MDFI: variants seen among roughly 807,000 people sequenced by gnomAD.
MDFI encodes MyoD family inhibitor.
In MDFI, 16 loss-of-function variants were observed where a neutral mutation model predicts 22.3. The ratio of observed to expected loss-of-function variants is 0.72; its 90% confidence interval spans 0.49 to 1.09. The LOEUF is 1.09. Among genes scored for constraint, MDFI ranks in the 50% least tolerant of loss-of-function variants. The pLI, the probability that MDFI is intolerant of heterozygous loss-of-function variation, is 0.00. For missense variants in MDFI, 314 were observed against 326.1 expected (o/e 0.96, Z 0.29); for synonymous variants, 145 against 142.7 (o/e 1.02, Z -0.12).
Position 41,638,714 on chromosome 6 carries a change from G to A in MDFI, c.-11-25G>A. 6.5e-7 allele frequency: 1 copy of A among 1,543,288 alleles called. No individual in the cohort carries two copies. Among genetic ancestry groups the A allele is most frequent in the Non-Finnish European group, 8.7e-7 (1 of 1,148,674 alleles). ...TCGCCCCTTGCCCGCCTCCGGCGCC[G>A]CCCGCTGAGCCCTGTTTTCCGCAGG... On this transcript the variant is annotated intron_variant, in intron 1 of 4. Coordinates refer to ENST00000230321, the MANE Select transcript of MDFI (RefSeq NM_005586.4). The surrounding 1 kb of genome is among the most constrained non-coding windows in gnomAD (Gnocchi z 7.6).
In MDFI at chr6:41,651,417, A is replaced by G. The variant is rs112464852; in HGVS notation, c.484+1574A>G. Among the ~76,000 whole-genome samples the G allele has an allele frequency of 2.9e-4, 43 of 148,970 alleles. 6 individuals carry two copies. The highest frequency in any genetic ancestry group is 1.1e-3 in the African/African-American group (42 of 39,830). On this transcript the variant is annotated intron_variant, in intron 4 of 4. Transcript: ENST00000230321. ...GTGATGTCTGAACATGCCTTAAAAG[A>G]CCAGAAGGAGGCTCCAGCCAGGAGA...
chr6:41,639,907 TC>T (rs1767785928), intron 2 of MDFI: 18 of 985,268 alleles, frequency 1.8e-5, no homozygotes, highest in Non-Finnish European at 2.2e-5. Flanking sequence ...CCCTCTCCAC[TC>T]CCCACCTACT....
At chr6:41,641,781 T>C (rs78065015) in intron 2 of MDFI, among the ~76,000 whole-genome samples, 15,659 of 152,140 alleles carry the variant, frequency 0.1, 897 homozygotes, top group Middle Eastern at 0.19. Flanking sequence ...AGCCAGGGAT[T>C]TTTTGGCTGA....
chr6:41,650,892 AAGGAGCCATTTATTC>A (rs1195016955), intron 4 of MDFI, among the ~76,000 whole-genome samples: 1 of 152,020 alleles, frequency 6.6e-6, no homozygotes, highest in Admixed American at 6.5e-5. Flanking sequence ...CTTATTTATG[AAGGAGCCATTTATTC>A]ATTTAAAATG....
intron 4 of MDFI, among the ~76,000 whole-genome samples, chr6:41,651,869 G>C (rs757623364): frequency 1.3e-5 from 2 of 152,250 alleles, no homozygotes; most frequent in African/African-American, 2.4e-5. Flanking sequence ...CTCCCAGCTG[G>C]TGCCCAGCGC....
chr6:41,639,895 G>GCC, intron 2 of MDFI: 2 of 985,420 alleles, frequency 2.0e-6, no homozygotes, highest in Non-Finnish European at 2.4e-6. Flanking sequence ...GTTCTAGGAG[G>GCC]CCCCTCTCCA....
chr6:41,649,606 T>C lies in MDFI; in HGVS notation c.260-13T>C. 6.4e-7 allele frequency: 1 copy of C among 1,560,398 alleles called. No individual in the cohort carries two copies. The highest frequency in any genetic ancestry group is 8.7e-7 in the Non-Finnish European group (1 of 1,151,366). On this transcript the variant is annotated splice_polypyrimidine_tract_variant and intron_variant, in intron 3 of 4. Transcript: ENST00000230321. Reference sequence around the variant, plus strand: ...CACCCTTTTCCCATCACACTTTCTCTTCATCTCTCCAGGCCAGCCTCAGGG... The same window carrying C: ...CACCCTTTTCCCATCACACTTTCTCCTCATCTCTCCAGGCCAGCCTCAGGG...
intron 2 of MDFI, among the ~76,000 whole-genome samples, chr6:41,641,784 T>C (rs1035368453): frequency 6.6e-6 from 1 of 152,164 alleles, no homozygotes; most frequent in African/African-American, 2.4e-5. Context: ...CAGGGATTTT[T>C]TGGCTGAAAC....
chr6:41,649,517 T>G, intron 3 of MDFI, 102 bp from the exon 4 acceptor site: 2 of 1,097,028 alleles, frequency 1.8e-6, no homozygotes, highest in Non-Finnish European at 2.6e-6. Flanking sequence ...GCTGGGTGCT[T>G]TGGGGTATAT....
Position 41,639,166 on chromosome 6 carries a change from T to C in MDFI, c.76+341T>C, listed in dbSNP as rs185817248. Reference sequence around the variant, plus strand: ...TTGTGTCTCAACTGTTTCTGCCCAGTGTGTAAATATTTGTGGGGGCCTGGT... The same window carrying C: ...TTGTGTCTCAACTGTTTCTGCCCAGCGTGTAAATATTTGTGGGGGCCTGGT... On this transcript the variant is annotated intron_variant, in intron 2 of 4. Transcript: ENST00000230321. 456 of 876,998 alleles carry C rather than the reference T, an allele frequency of 5.2e-4. 2 individuals carry two copies. The Middle Eastern group carries it at 6.4e-3, about 12-fold the overall frequency. The allele number at this position is 876,998 out of a possible 1,614,324, so 54.3% of individuals were successfully genotyped here. A position where few individuals can be genotyped will look rare whatever the true frequency, so the allele number is the denominator to read the frequency against.
chr6:41,638,465 G>A (rs888216466), upstream of MDFI: 6 of 475,244 alleles, frequency 1.3e-5, no homozygotes, highest in African/African-American at 1.0e-4. The surrounding 1 kb of genome is among the most constrained non-coding windows in gnomAD (Gnocchi z 7.6). Flanking sequence ...AGGGAGAGAA[G>A]GAAGAAGGAA....
intron 3 of MDFI, among the ~76,000 whole-genome samples, chr6:41,646,682 C>G (rs957971109): frequency 6.6e-6 from 1 of 152,162 alleles, no homozygotes; most frequent in Non-Finnish European, 1.5e-5. Context: ...GAAGAAGCCC[C>G]CAGTTGCTCT....
rs199995060 is a variant in MDFI, at chr6:41,653,314, C to T, written c.485-5C>T. The T allele has an allele frequency of 3.1e-5, 50 of 1,606,692 alleles. No individual in the cohort carries two copies. Among genetic ancestry groups the T allele is most frequent in the East Asian group, 2.5e-4 (11 of 44,696 alleles). On this transcript the variant is annotated splice_polypyrimidine_tract_variant and splice_region_variant and intron_variant, in intron 4 of 4. Coordinates refer to ENST00000230321, the MANE Select transcript of MDFI (RefSeq NM_005586.4). The surrounding 1 kb of genome is among the most constrained non-coding windows in gnomAD (Gnocchi z 4.2). ...CCCGTCCCCCTCTCCACCGCCACCC[C>T]GCAGACTGCTGTGTCCACTGCATCC...
Position 41,654,005 on chromosome 6 carries a change from A to G in MDFI, c.*430A>G. On this transcript the variant is annotated 3_prime_UTR_variant, in exon 5 of 5. Transcript: ENST00000230321. ...TGCCTCTCTCCTCCACCCCAGGCTT[A>G]GAGGACAGAAAAATGTGAAGAGACG... is the stretch of plus-strand genomic sequence containing the variant. The G allele has an allele frequency of 4.4e-6, 1 of 226,780 alleles. No homozygotes were observed. The highest frequency in any genetic ancestry group is 2.2e-5 in the African/African-American group (1 of 44,668). The allele number at this position is 226,780 out of a possible 1,614,324, so 14.0% of individuals were successfully genotyped here.
At chr6:41,652,799 A>T (rs1768324126) in intron 4 of MDFI, among the ~76,000 whole-genome samples, 1 of 151,676 alleles carries the variant, frequency 6.6e-6, no homozygotes, top group Non-Finnish European at 1.5e-5. Context: ...TGTATTTTTA[A>T]TAGAGATGGG....
At chr6:41,650,788 G>T (rs1346461842) in intron 4 of MDFI, among the ~76,000 whole-genome samples, 3 of 151,676 alleles carry the variant, frequency 2.0e-5, no homozygotes, top group African/African-American at 7.3e-5. Context: ...TGGCCAGCTT[G>T]GTCTCGAACT....
At chr6:41,639,444 C>T in intron 2 of MDFI, 1 of 985,460 alleles carries the variant, frequency 1.0e-6, no homozygotes, top group Non-Finnish European at 1.2e-6. Context: ...CGTCCCGCGC[C>T]TGGCGCCGTC....
intron 2 of MDFI, chr6:41,639,955 C>CT: frequency 1.0e-6 from 1 of 980,674 alleles, no homozygotes; most frequent in Non-Finnish European, 1.2e-6. Flanking sequence ...GGGGGGTCCT[C>CT]TAAACCAGAG....
At chr6:41,643,047 T>G (rs1390420305) in intron 2 of MDFI, among the ~76,000 whole-genome samples, 1 of 152,100 alleles carries the variant, frequency 6.6e-6, no homozygotes, top group Non-Finnish European at 1.5e-5. Context: ...GGACTCACAG[T>G]GTCACCTCTG....
Sources: allele counts gnomAD v4.1 joint callset (sites outside exome capture counted in the v4.1 genomes callset), GRCh38; gene constraint gnomAD v4.1.1; non-coding constraint Gnocchi (gnomAD v3.1); transcripts MANE v1.5; gene names NCBI Gene and HGNC (gene_info 2026-07-23, HGNC 2026-07-21).